MCTP1: variants seen among roughly 807,000 people sequenced by gnomAD.
MCTP1 encodes the protein multiple C2 and transmembrane domain containing 1, also known as multiple C2 and transmembrane domain-containing protein 1.
Under a neutral mutation model 120.6 loss-of-function variants are expected in MCTP1, and 69 were observed. The ratio of observed to expected loss-of-function variants is 0.57; its 90% CI spans 0.47 to 0.70. MCTP1 has a LOEUF of 0.70. Among genes scored for constraint, MCTP1 ranks in the 30% least tolerant of loss-of-function variants. The pLI is 0.00. For missense variants in MCTP1, 1,203 were observed against 1,248.8 expected, an observed-to-expected ratio of 0.96 and a Z score of 0.55; for synonymous variants, 529 against 493.1, an observed-to-expected ratio of 1.07 and a Z score of -0.96.
intron 1 of MCTP1, among the ~76,000 whole-genome samples, chr5:95,209,388 TC>T (rs2152564861): frequency 6.6e-6 from 1 of 152,236 alleles, no homozygotes; most frequent in Admixed American, 6.5e-5. Context: ...GCCTGGCCCC[TC>T]TCTTTTCCTC....
At chr5:95,023,729 A>G (rs1162876625) in intron 1 of MCTP1, among the ~76,000 whole-genome samples, 1 of 152,250 alleles carries the variant, frequency 6.6e-6, no homozygotes, top group African/African-American at 2.4e-5. Flanking sequence ...ATTGTAAAGT[A>G]TCTTTAAAAA....
intron 17 of MCTP1, among the ~76,000 whole-genome samples, chr5:94,849,665 C>A (rs1793235219): frequency 6.6e-6 from 1 of 151,964 alleles, no homozygotes; most frequent in Non-Finnish European, 1.5e-5. Flanking sequence ...GGACAGATAG[C>A]CATGTTAACA....
At position 94,776,248 on chromosome 5, in the gene MCTP1, C is replaced by T. The variant is rs559889275; in HGVS notation, c.2610+2862G>A. Among the ~76,000 whole-genome samples the T allele has an allele frequency of 1.6e-4, 24 of 152,214 alleles. No homozygotes were observed. The South Asian group carries it at 4.8e-3, about 30-fold the overall frequency. On this transcript the variant is annotated intron_variant, in intron 19 of 22. Coordinates refer to ENST00000515393, the MANE Select transcript of MCTP1 (RefSeq NM_024717.7). Reference sequence around the variant, plus strand: ...GATTTCAGTTTATGCCCACACGGACCTTGTCAAGTAGCCAATGACTTGCCC... The same window carrying T: ...GATTTCAGTTTATGCCCACACGGACTTTGTCAAGTAGCCAATGACTTGCCC...
intron 1 of MCTP1, among the ~76,000 whole-genome samples, chr5:95,249,203 A>G (rs1013735758): frequency 1.3e-5 from 2 of 152,224 alleles, no homozygotes; most frequent in Admixed American, 1.3e-4. Context: ...AGCAAAAGAA[A>G]CTATCATCAG....
At chr5:94,860,884 A>C (rs1053086571) in intron 17 of MCTP1, among the ~76,000 whole-genome samples, 6 of 151,746 alleles carry the variant, frequency 4.0e-5, no homozygotes, top group Admixed American at 2.0e-4. Context: ...TATGAAAAAA[A>C]AAATATAGAG....
chr5:95,242,578 A>G (rs1389307427), intron 1 of MCTP1, among the ~76,000 whole-genome samples: 1 of 152,230 alleles, frequency 6.6e-6, no homozygotes, highest in East Asian at 1.9e-4. Flanking sequence ...AGAATGAACT[A>G]TTAAATGCCA....
chr5:95,134,014 A>G (rs1759247979), intron 1 of MCTP1, among the ~76,000 whole-genome samples: 1 of 152,196 alleles, frequency 6.6e-6, no homozygotes, highest in Non-Finnish European at 1.5e-5. Context: ...TAATTAGTGC[A>G]TGCTTGGCAC....
chr5:94,966,820 G>A (rs1232736290), intron 2 of MCTP1, among the ~76,000 whole-genome samples: 1 of 151,520 alleles, frequency 6.6e-6, no homozygotes, highest in East Asian at 1.9e-4. Flanking sequence ...ACAAAACCAA[G>A]GATGTGGCAG....
intron 1 of MCTP1, among the ~76,000 whole-genome samples, chr5:95,183,736 T>C (rs1293875351): frequency 6.6e-6 from 1 of 152,076 alleles, no homozygotes; most frequent in African/African-American, 2.4e-5. Flanking sequence ...TAAAAGGATG[T>C]CCACCTTCAT....
intron 12 of MCTP1, among the ~76,000 whole-genome samples, chr5:94,882,602 G>C (rs1320941606): frequency 2.0e-5 from 3 of 152,074 alleles, no homozygotes; most frequent in Non-Finnish European, 2.9e-5. Context: ...TTCAAGCACT[G>C]AGTGAAATCC....
chr5:94,726,506 C>T (rs1367766635), intron 19 of MCTP1, among the ~76,000 whole-genome samples: 1 of 152,176 alleles, frequency 6.6e-6, no homozygotes, highest in Admixed American at 6.6e-5. Context: ...AAGAAAGATT[C>T]CGATTCTTTT....
intron 17 of MCTP1, among the ~76,000 whole-genome samples, chr5:94,858,930 T>C (rs1432111413): frequency 6.6e-6 from 1 of 151,706 alleles, no homozygotes; most frequent in Non-Finnish European, 1.5e-5. Flanking sequence ...ATGTTTCCAT[T>C]CTACAGCTAG....
chr5:94,952,169 CGCA>C (rs1399049871), intron 3 of MCTP1, among the ~76,000 whole-genome samples: 5 of 18,878 alleles, frequency 2.6e-4, no homozygotes, highest in African/African-American at 2.4e-3. Flanking sequence ...GAGACTTTGT[CGCA>C]AAAAAAAAAA....
At chr5:95,070,204 G>A (rs1268977502) in intron 1 of MCTP1, among the ~76,000 whole-genome samples, 1 of 152,222 alleles carries the variant, frequency 6.6e-6, no homozygotes, top group East Asian at 1.9e-4. Flanking sequence ...CTAGGCCAAA[G>A]TCCCAGGCCA....
intron 1 of MCTP1, among the ~76,000 whole-genome samples, chr5:95,115,362 A>G (rs1757745588): frequency 6.6e-6 from 1 of 151,674 alleles, no homozygotes; most frequent in Non-Finnish European, 1.5e-5. Flanking sequence ...TGTCTTGAGG[A>G]AACTCAAAGA....
In MCTP1 at chr5:94,912,466, A is replaced by AAAAAAAAAG. The variant is rs1211529200; in HGVS notation, c.1521+339_1521+340insCTTTTTTTT. On this transcript the variant is annotated intron_variant, in intron 9 of 22. Transcript: ENST00000515393. ...AAAAAAAAAAAAAAAAAAAAAAAAA[A>AAAAAAAAAG]GCCGCACTCTGAGTACTTTATGTGC... Among the ~76,000 whole-genome samples, 45 of 92,098 alleles carry AAAAAAAAAG rather than the reference A, an allele frequency of 4.9e-4. 12 individuals carry two copies. Among genetic ancestry groups the AAAAAAAAAG allele is most frequent in the Admixed American group, 9.7e-4 (8 of 8,226 alleles). 60.4% of individuals were successfully genotyped at this position (92,098 alleles called of 152,430 possible).
chr5:94,982,792 G>C (rs1829680706), intron 2 of MCTP1, among the ~76,000 whole-genome samples: 1 of 150,032 alleles, frequency 6.7e-6, no homozygotes, highest in Admixed American at 6.7e-5. Flanking sequence ...AGGAGGCTGA[G>C]GTGGGAGAAT....
chr5:94,963,521 C>T (rs1292971740), intron 2 of MCTP1, among the ~76,000 whole-genome samples: 3 of 151,046 alleles, frequency 2.0e-5, no homozygotes, highest in African/African-American at 7.3e-5. Context: ...TGATTTGATA[C>T]CTCAGTGTGG....
chr5:95,132,542 T>C (rs1484367060), intron 1 of MCTP1, among the ~76,000 whole-genome samples: 4 of 152,238 alleles, frequency 2.6e-5, no homozygotes, highest in South Asian at 2.1e-4. Context: ...GAAGGCCGGA[T>C]GGCTGCAGCT....
Sources: allele counts gnomAD v4.1 joint callset (sites outside exome capture counted in the v4.1 genomes callset), GRCh38; gene constraint gnomAD v4.1.1; transcripts MANE v1.5; gene names NCBI Gene and HGNC (gene_info 2026-07-23, HGNC 2026-07-21).